Variants in NTRK3 observed in about 807,000 individuals in gnomAD.
NTRK3 encodes the protein neurotrophic receptor tyrosine kinase 3.
A neutral mutation model predicts 91.7 loss-of-function variants in NTRK3; 24 were observed. That is an observed-to-expected ratio of 0.26 (90% CI 0.19 to 0.37). The LOEUF is 0.37. Among genes scored for constraint, NTRK3 ranks in the 10% least tolerant of loss-of-function variants. NTRK3 has a pLI of 1.00. For synonymous variants in NTRK3, 483 were observed against 404.0 expected (o/e 1.20, Z -2.34); for missense variants, 880 against 1,068.9 (o/e 0.82, Z 2.46).
chr15:88,180,409 T>C (rs1481143309), intron 5 of NTRK3, among the ~76,000 whole-genome samples: 2 of 152,218 alleles, frequency 1.3e-5, no homozygotes, highest in Non-Finnish European at 2.9e-5. Context: ...CAAGAGGAGA[T>C]GGTCAGTCAC....
Position 88,243,934 on chromosome 15 carries a change from C to T in NTRK3, c.248+11972G>A, listed in dbSNP as rs1470587866. Among the ~76,000 whole-genome samples the T allele has an allele frequency of 6.6e-6, 1 of 152,190 alleles. No homozygotes were observed. Among genetic ancestry groups the T allele is most frequent in the Admixed American group, 6.5e-5 (1 of 15,278 alleles). On this transcript the variant is annotated intron_variant, in intron 3 of 18. Coordinates refer to ENST00000394480, the Ensembl canonical transcript of NTRK3. The surrounding 1 kb of genome is among the most constrained non-coding windows in gnomAD (Gnocchi z 4.8). ...CCTCAGAAAAAAAATATCTTTAGCA[C>T]CTAGCAGTTGAAGGGGAGAAATTCT...
rs1270718270 is a variant in NTRK3, at chr15:88,143,494, G to A, written c.464+3841C>T. 3.3e-5 allele frequency among the ~76,000 whole-genome samples: 5 copies of A among 152,340 alleles called. No individual in the cohort carries two copies. In the East Asian group the frequency reaches 9.6e-4, roughly 29 times the overall value. ...ATTGTTTTAAGCCACCAAGTGTGTG[G>A]TAATTTGTTAACGCAGCCTAGGAAA... On this transcript the variant is annotated intron_variant, in intron 6 of 18. Transcript: ENST00000394480.
chr15:88,037,762 T>C (rs1300838344), intron 13 of NTRK3, among the ~76,000 whole-genome samples: 1 of 152,190 alleles, frequency 6.6e-6, no homozygotes, highest in Non-Finnish European at 1.5e-5. Flanking sequence ...GTTGGAGAAA[T>C]GCTGATGATT....
intron 13 of NTRK3, among the ~76,000 whole-genome samples, chr15:88,065,500 G>A (rs2046573355): frequency 6.6e-6 from 1 of 152,098 alleles, no homozygotes; most frequent in Non-Finnish European, 1.5e-5. Flanking sequence ...CCTCCTGCCT[G>A]GAGTGGAGGG....
At chr15:87,976,046 T>G (rs2073687765) in intron 14 of NTRK3, among the ~76,000 whole-genome samples, 1 of 152,118 alleles carries the variant, frequency 6.6e-6, no homozygotes, top group Non-Finnish European at 1.5e-5. Context: ...CTTTATCTAT[T>G]ATCTCTTCTC....
intron 17 of NTRK3, among the ~76,000 whole-genome samples, chr15:87,894,779 T>A (rs2066025142): frequency 6.6e-6 from 1 of 152,188 alleles, no homozygotes; most frequent in Non-Finnish European, 1.5e-5. Context: ...AATAGCAGCC[T>A]GGTCTTCAGA....
chr15:87,990,978 A>T (rs1487798074), intron 14 of NTRK3, among the ~76,000 whole-genome samples: 1 of 152,114 alleles, frequency 6.6e-6, no homozygotes, highest in Admixed American at 6.5e-5. Context: ...CATTCCCATA[A>T]TCCAAGTTCT....
chr15:88,133,539 T>G (rs2041588126), intron 10 of NTRK3, among the ~76,000 whole-genome samples: 1 of 152,124 alleles, frequency 6.6e-6, no homozygotes, highest in African/African-American at 2.4e-5. Context: ...CCCTCAACAA[T>G]GTATAGACTT....
At chr15:88,115,336 A>C (rs1407089015) in intron 13 of NTRK3, among the ~76,000 whole-genome samples, 1 of 152,252 alleles carries the variant, frequency 6.6e-6, no homozygotes, top group African/African-American at 2.4e-5. Context: ...ATAATGGCTC[A>C]TAACAGTACT....
Position 88,241,716 on chromosome 15 carries a change from G to A in NTRK3, c.248+14190C>T, listed in dbSNP as rs2052369962. Among the ~76,000 whole-genome samples, 1 of 152,130 alleles carries A rather than the reference G, an allele frequency of 6.6e-6. No individual in the cohort carries two copies. On this transcript the variant is annotated intron_variant, in intron 3 of 18. Coordinates refer to ENST00000394480, the Ensembl canonical transcript of NTRK3. The surrounding 1 kb of genome is among the most constrained non-coding windows in gnomAD (Gnocchi z 4.3). Reference sequence around the variant, plus strand: ...CTGACCTGCACCTCGCCTCACCCAGGCTCACCTCCACCCAGCGCACTGGGG... The same window carrying A: ...CTGACCTGCACCTCGCCTCACCCAGACTCACCTCCACCCAGCGCACTGGGG...
At chr15:88,101,595 T>C (rs940460661) in intron 13 of NTRK3, among the ~76,000 whole-genome samples, 5 of 152,278 alleles carry the variant, frequency 3.3e-5, no homozygotes, top group South Asian at 4.1e-4. Context: ...CTATTCACAA[T>C]AGCAAAGACT....
chr15:88,058,044 C>G (rs564438627), intron 13 of NTRK3, among the ~76,000 whole-genome samples: 2 of 152,290 alleles, frequency 1.3e-5, no homozygotes, highest in South Asian at 2.1e-4. Flanking sequence ...AAAGCTCGCT[C>G]TCTCTGGGTG....
intron 3 of NTRK3, among the ~76,000 whole-genome samples, chr15:88,193,236 G>A (rs1231456486): frequency 6.6e-6 from 1 of 152,046 alleles, no homozygotes; most frequent in African/African-American, 2.4e-5. Context: ...GACCCTACAG[G>A]CACCCTGAAC....
intron 14 of NTRK3, among the ~76,000 whole-genome samples, chr15:87,943,037 T>C (rs895915284): frequency 6.6e-6 from 1 of 151,996 alleles, no homozygotes; most frequent in South Asian, 2.1e-4. Context: ...TGCATTGTAA[T>C]AGGAGAACTT....
At chr15:88,034,560 CCAGA>C (rs1197758036) in intron 13 of NTRK3, among the ~76,000 whole-genome samples, 5 of 152,194 alleles carry the variant, frequency 3.3e-5, no homozygotes, top group African/African-American at 9.6e-5. Flanking sequence ...CACACAGGCC[CCAGA>C]CAAAGTGCCT....
chr15:88,034,620 A>T (rs538170347), intron 13 of NTRK3, among the ~76,000 whole-genome samples: 1 of 152,328 alleles, frequency 6.6e-6, no homozygotes, highest in African/African-American at 2.4e-5. Flanking sequence ...CACTGCAGAA[A>T]TCCATTACAT....
At chr15:87,994,557 G>A (rs530920691) in intron 14 of NTRK3, among the ~76,000 whole-genome samples, 2 of 152,290 alleles carry the variant, frequency 1.3e-5, no homozygotes, top group Non-Finnish European at 2.9e-5. Flanking sequence ...GGGGCTCACA[G>A]CCCTCCAGAC....
intron 15 of NTRK3, among the ~76,000 whole-genome samples, chr15:87,939,821 G>A (rs1486177013): frequency 6.6e-6 from 1 of 152,204 alleles, no homozygotes; most frequent in Admixed American, 6.5e-5. Context: ...CTCTTTTTAT[G>A]TTAACCATGT....
At chr15:87,916,574 A>C (rs1400113390) in intron 17 of NTRK3, 1 of 702,314 alleles carries the variant, frequency 1.4e-6, no homozygotes, top group Admixed American at 2.0e-5. Context: ...CAATGAGAGA[A>C]GAAAACAACT....
Sources: allele counts gnomAD v4.1 joint callset (sites outside exome capture counted in the v4.1 genomes callset), GRCh38; gene constraint gnomAD v4.1.1; non-coding constraint Gnocchi (gnomAD v3.1); transcripts MANE v1.5; gene names NCBI Gene and HGNC (gene_info 2026-07-23, HGNC 2026-07-21).